Variants in SYAP1 observed in about 807,000 individuals in gnomAD.
SYAP1 encodes synapse-associated protein 1.
A neutral mutation model predicts 29.6 loss-of-function variants in SYAP1; 3 were observed. The observed-to-expected ratio is 0.10, with a 90% confidence interval of 0.05 to 0.26. The LOEUF (loss-of-function observed/expected upper bound fraction) is 0.26. Ranked by LOEUF, SYAP1 falls within the 10% of genes least tolerant of loss-of-function variation. SYAP1 has a pLI of 1.00. For missense variants in SYAP1, 217 were observed against 264.1 expected (o/e 0.82, Z 1.24); for synonymous variants, 102 against 102.7 (o/e 0.99, Z 0.04).
At chrX:16,745,225 C>T (rs1003873328) in intron 5 of SYAP1, among the ~76,000 whole-genome samples, 6 of 111,898 alleles carry the variant, frequency 5.4e-5, no homozygotes, top group African/African-American at 1.9e-4. Flanking sequence ...ATGGGAAGAG[C>T]CAGTTGATAG....
chrX:16,755,572 G>A (rs759774569), intron 6 of SYAP1, among the ~76,000 whole-genome samples: 8 of 108,051 alleles, frequency 7.4e-5, no homozygotes, highest in African/African-American at 2.1e-4. Flanking sequence ...GATTCAGTCC[G>A]CCTCCTTTTT....
intron 5 of SYAP1, among the ~76,000 whole-genome samples, chrX:16,749,370 C>A (rs1363725075): frequency 1.8e-5 from 2 of 111,205 alleles, no homozygotes; most frequent in Non-Finnish European, 3.8e-5. Context: ...GATTTCTTTA[C>A]CAAAGGACTT....
At chrX:16,740,277 C>A (rs1238119161) in intron 3 of SYAP1, among the ~76,000 whole-genome samples, 1 of 109,821 alleles carries the variant, frequency 9.1e-6, no homozygotes, top group African/African-American at 3.3e-5. Context: ...CAGCATTTAG[C>A]TTCTAACGGC....
At chrX:16,725,144 A>C (rs1242904991) in intron 1 of SYAP1, among the ~76,000 whole-genome samples, 1 of 112,360 alleles carries the variant, frequency 8.9e-6, no homozygotes, top group Admixed American at 9.5e-5. Context: ...ATTAAAATGA[A>C]GGTAAAATAA....
At chrX:16,737,730 A>T (rs966918188) in intron 3 of SYAP1, among the ~76,000 whole-genome samples, 3 of 111,673 alleles carry the variant, frequency 2.7e-5, no homozygotes, top group African/African-American at 9.8e-5. Flanking sequence ...ATCTGGGGAA[A>T]ATTTCCTTCT....
intron 5 of SYAP1, among the ~76,000 whole-genome samples, chrX:16,749,002 G>C: frequency 9.0e-6 from 1 of 110,730 alleles, no homozygotes; most frequent in Admixed American, 9.7e-5. Flanking sequence ...CAATCTGCCT[G>C]CCTCAGCCTC....
At chrX:16,754,780 C>T (rs1361048557) in intron 5 of SYAP1, among the ~76,000 whole-genome samples, 165 bp from the exon 6 acceptor site, 2 of 111,242 alleles carry the variant, frequency 1.8e-5, no homozygotes, top group African/African-American at 6.5e-5. Flanking sequence ...CCTCACTCAG[C>T]TTTGAAAGTG....
chrX:16,721,035 C>CA (rs1187478124), intron 1 of SYAP1, among the ~76,000 whole-genome samples: 1 of 107,442 alleles, frequency 9.3e-6, no homozygotes, highest in African/African-American at 3.4e-5. Flanking sequence ...CAAAACAAAA[C>CA]AAAAAAGCAT....
intron 1 of SYAP1, among the ~76,000 whole-genome samples, chrX:16,724,283 G>A (rs180929454): frequency 1.5e-4 from 17 of 111,982 alleles, no homozygotes; most frequent in African/African-American, 5.5e-4. Flanking sequence ...AAGCTCATTA[G>A]AGACTCAGTG....
intron 5 of SYAP1, among the ~76,000 whole-genome samples, chrX:16,750,993 CT>C (rs1228015342): frequency 2.8e-5 from 3 of 108,435 alleles, no homozygotes; most frequent in African/African-American, 1.0e-4. Flanking sequence ...TCTCGAACTC[CT>C]GACCTCAGGT....
chrX:16,719,930 G>T, intron 1 of SYAP1, 31 bp downstream of exon 1: 2 of 1,143,187 alleles, frequency 1.7e-6, no homozygotes, highest in East Asian at 3.3e-5. Flanking sequence ...GGACCGGGAA[G>T]GGGGGGGCGC....
chrX:16,763,897 A>G lies in SYAP1; in HGVS notation c.*3538A>G, dbSNP rs1165187141. On this transcript the variant is annotated 3_prime_UTR_variant, in exon 9 of 9. Transcript: ENST00000380155. ...TTTTTTTTTTTTTTTTTTTTGAGACAGAGTCTCACACTGTTGCCTGGGCTG... is the reference window on the plus strand; with the variant it reads ...TTTTTTTTTTTTTTTTTTTTGAGACGGAGTCTCACACTGTTGCCTGGGCTG... 1.2e-5 allele frequency: 1 copy of G among 83,273 alleles called. No homozygotes were observed. The highest frequency in any genetic ancestry group is 2.2e-5 in the Non-Finnish European group (1 of 45,961). 6.9% of individuals were successfully genotyped at this position (83,273 alleles called of 1,213,427 possible).
chrX:16,739,130 AG>A (rs1377264550), intron 3 of SYAP1, among the ~76,000 whole-genome samples: 1 of 111,976 alleles, frequency 8.9e-6, no homozygotes, highest in Non-Finnish European at 1.9e-5. Flanking sequence ...AAAGTGTGTG[AG>A]AAAAAATGTT....
chrX:16,720,518 A>G (rs919090811), intron 1 of SYAP1, among the ~76,000 whole-genome samples: 1 of 112,469 alleles, frequency 8.9e-6, no homozygotes, highest in Non-Finnish European at 1.9e-5. Context: ...GAACAAGCCC[A>G]GAGTTATTGG....
rs771671983 is a variant in SYAP1 at position 16,762,224 on chromosome X, A to G, written c.*1865A>G. 2 of 111,995 alleles carry G rather than the reference A, an allele frequency of 1.8e-5. No homozygotes were observed. The highest frequency in any genetic ancestry group is 5.6e-4 in the East Asian group (2 of 3,600). The allele number at this position is 111,995 out of a possible 1,213,427, so 9.2% of individuals were successfully genotyped here. A position where few individuals can be genotyped will look rare whatever the true frequency, so the allele number is the denominator to read the frequency against. On this transcript the variant is annotated 3_prime_UTR_variant, in exon 9 of 9. Transcript: ENST00000380155. Reference sequence around the variant, plus strand: ...AGCTAAAAGTCCTAGATGGAAGCATATCAGGATGTGTCGGTGCTTGGCTCT... The same window carrying G: ...AGCTAAAAGTCCTAGATGGAAGCATGTCAGGATGTGTCGGTGCTTGGCTCT...
intron 5 of SYAP1, among the ~76,000 whole-genome samples, chrX:16,752,623 A>G (rs1233886972): frequency 9.1e-6 from 1 of 109,774 alleles, no homozygotes; most frequent in Non-Finnish European, 1.9e-5. Context: ...ATTTGTCCCA[A>G]TAATGTCCTT....
chrX:16,736,303 C>G, intron 3 of SYAP1, 71 bp downstream of exon 3: 1 of 694,204 alleles, frequency 1.4e-6, no homozygotes, highest in Non-Finnish European at 2.3e-6. Context: ...AGATACCACA[C>G]TGAGGGTCTG....
intron 1 of SYAP1, among the ~76,000 whole-genome samples, chrX:16,725,630 T>C (rs1412084104): frequency 1.8e-5 from 2 of 112,419 alleles, no homozygotes; most frequent in African/African-American, 6.5e-5. Context: ...GCCACTCTAA[T>C]AACTCTCTGG....
intron 5 of SYAP1, among the ~76,000 whole-genome samples, chrX:16,744,128 C>T: frequency 8.9e-6 from 1 of 112,639 alleles, no homozygotes; most frequent in Admixed American, 9.4e-5. Flanking sequence ...ACATTCTGGT[C>T]TCTGAGGCTC....
Sources: allele counts gnomAD v4.1 joint callset (sites outside exome capture counted in the v4.1 genomes callset), GRCh38; gene constraint gnomAD v4.1.1; transcripts MANE v1.5; gene names NCBI Gene and HGNC (gene_info 2026-07-23, HGNC 2026-07-21).